PLPPR1: variants seen among roughly 807,000 people sequenced by gnomAD.
The protein encoded by PLPPR1 is phospholipid phosphatase related 1.
Under a neutral mutation model 33.1 loss-of-function variants are expected in PLPPR1, and 10 were observed. The observed-to-expected ratio is 0.30, with a 90% CI of 0.19 to 0.51. The LOEUF (loss-of-function observed/expected upper bound fraction) is 0.51. Among genes scored for constraint, PLPPR1 ranks in the 20% least tolerant of loss-of-function variants. The pLI, the probability that PLPPR1 is intolerant of heterozygous loss-of-function variation, is 0.97. For missense variants in PLPPR1, 304 were observed against 408.1 expected, an observed-to-expected ratio of 0.74 and a Z score of 2.20; for synonymous variants, 151 against 151.0, an observed-to-expected ratio of 1.00 and a Z score of 0.00.
chr9:101,073,655 C>A (rs1488860587), intron 1 of PLPPR1, among the ~76,000 whole-genome samples: 1 of 152,108 alleles, frequency 6.6e-6, no homozygotes. Context: ...TTCGTATGGG[C>A]TTTGATGATG....
At chr9:101,080,815 A>G (rs1473125126) in intron 1 of PLPPR1, among the ~76,000 whole-genome samples, 1 of 152,122 alleles carries the variant, frequency 6.6e-6, no homozygotes, top group Non-Finnish European at 1.5e-5. Context: ...CCCATTCCTG[A>G]GAATAGAGCT....
chr9:101,089,030 C>A (rs749607863), intron 1 of PLPPR1, among the ~76,000 whole-genome samples: 9 of 152,146 alleles, frequency 5.9e-5, no homozygotes, highest in Admixed American at 1.3e-4. Context: ...CAGGGATTAC[C>A]TTTCCTGGTG....
Position 101,295,441 on chromosome 9 carries a change from G to GA in PLPPR1, c.385+9211dup, listed in dbSNP as rs761437593. 6.8e-4 allele frequency among the ~76,000 whole-genome samples: 104 copies of GA among 152,028 alleles called. No homozygotes were observed. In the South Asian group the frequency reaches 8.3e-3, roughly 12 times the overall value. On this transcript the variant is annotated intron_variant, in intron 4 of 7. Transcript: ENST00000374874. ...ACCAATGACTTTCTTCACAGAATTG[G>GA]AAAAAACTACTTTAAAGTTCATATG...
intron 2 of PLPPR1, among the ~76,000 whole-genome samples, chr9:101,208,924 C>T (rs754225553): frequency 1.3e-5 from 2 of 152,198 alleles, no homozygotes; most frequent in Non-Finnish European, 2.9e-5. Flanking sequence ...CCTTGGTTTC[C>T]TCATTCACTT....
chr9:101,210,811 A>G (rs1826676527), intron 2 of PLPPR1, among the ~76,000 whole-genome samples: 1 of 152,224 alleles, frequency 6.6e-6, no homozygotes, highest in African/African-American at 2.4e-5. Context: ...TCTGTCGCCC[A>G]GGCTGGAGTG....
rs140206818 is a variant in PLPPR1, at chr9:101,045,664, A to G, written c.-46+16562A>G. ...TGATGACAACACCTGATGTTTGAAG[A>G]GTTTTTAATATCCTTGCACTGCCTT... On this transcript the variant is annotated intron_variant, in intron 1 of 7. Coordinates refer to ENST00000374874, the MANE Select transcript of PLPPR1 (RefSeq NM_207299.2). Among the ~76,000 whole-genome samples, 565 of 152,352 alleles carry G rather than the reference A, an allele frequency of 3.7e-3. 3 individuals are homozygous for G. The highest frequency in any genetic ancestry group is 6.2e-3 in the Non-Finnish European group (425 of 68,030).
chr9:101,251,081 A>G (rs999262305), intron 2 of PLPPR1, among the ~76,000 whole-genome samples: 1 of 152,028 alleles, frequency 6.6e-6, no homozygotes, highest in Non-Finnish European at 1.5e-5. Context: ...TGCCTCCTTC[A>G]TGTCTCACTT....
At chr9:101,107,712 G>A (rs1214419086) in intron 1 of PLPPR1, among the ~76,000 whole-genome samples, 1 of 100,748 alleles carries the variant, frequency 9.9e-6, no homozygotes, top group Non-Finnish European at 1.9e-5. Flanking sequence ...GTTTACCTAA[G>A]CAAGCCTGGG....
chr9:101,078,137 GAA>G (rs1830565509), intron 1 of PLPPR1, among the ~76,000 whole-genome samples: 8 of 16,412 alleles, frequency 4.9e-4, no homozygotes, highest in Admixed American at 3.0e-3. Flanking sequence ...AGAAGAAGAA[GAA>G]GAAGAAGAAG....
chr9:101,063,446 C>T (rs1034757054), intron 1 of PLPPR1, among the ~76,000 whole-genome samples: 5 of 151,942 alleles, frequency 3.3e-5, no homozygotes, highest in African/African-American at 9.7e-5. Context: ...TGCTATTGGC[C>T]AAGATTCAGT....
chr9:101,287,056 T>C lies in PLPPR1; in HGVS notation c.385+820T>C, dbSNP rs34916370. On this transcript the variant is annotated intron_variant, in intron 4 of 7. Coordinates refer to ENST00000374874, the MANE Select transcript of PLPPR1 (RefSeq NM_207299.2). The stretch of plus-strand genomic sequence containing the variant: ...GTAATCCTTAATCTTTTTTTCCTGT[T>C]GTAGGAAATGATTGAATTTCTTCAA... Among the ~76,000 whole-genome samples the C allele has an allele frequency of 9.6e-3, 1,456 of 152,326 alleles. 20 individuals carry two copies. Among genetic ancestry groups the C allele is most frequent in the Non-Finnish European group, 0.012 (807 of 68,028 alleles).
chr9:101,121,990 T>C (rs1354911781), intron 1 of PLPPR1, among the ~76,000 whole-genome samples: 6 of 152,186 alleles, frequency 3.9e-5, no homozygotes, highest in Admixed American at 2.6e-4. Flanking sequence ...CCAAGGAACA[T>C]GGAGGTAGCA....
At chr9:101,114,903 T>A (rs1050787655) in intron 1 of PLPPR1, among the ~76,000 whole-genome samples, 4 of 152,212 alleles carry the variant, frequency 2.6e-5, no homozygotes, top group African/African-American at 9.7e-5. Context: ...GACAATTTGT[T>A]AATGGTCTGG....
chr9:101,120,945 G>A (rs1269332729), intron 1 of PLPPR1, among the ~76,000 whole-genome samples: 1 of 152,170 alleles, frequency 6.6e-6, no homozygotes, highest in Non-Finnish European at 1.5e-5. Context: ...AACTTAAATA[G>A]CATTTTCTAA....
At chr9:101,255,873 G>A (rs1396621300) in intron 2 of PLPPR1, among the ~76,000 whole-genome samples, 2 of 152,178 alleles carry the variant, frequency 1.3e-5, no homozygotes, top group Non-Finnish European at 2.9e-5. Context: ...AATGATTAAA[G>A]GGTCTGAACT....
intron 2 of PLPPR1, among the ~76,000 whole-genome samples, chr9:101,229,178 T>A (rs887370022): frequency 1.3e-5 from 2 of 152,152 alleles, no homozygotes; most frequent in African/African-American, 4.8e-5. Context: ...CAAGTGTAAT[T>A]GTATATTGAA....
chr9:101,226,052 C>T (rs1243644133), intron 2 of PLPPR1, among the ~76,000 whole-genome samples: 1 of 152,038 alleles, frequency 6.6e-6, no homozygotes, highest in Non-Finnish European at 1.5e-5. Context: ...TTCTACAGAA[C>T]CAAAGAGCCC....
Position 101,192,386 on chromosome 9 carries a change from G to C in PLPPR1, c.63+6829G>C, listed in dbSNP as rs117896468. 3.6e-3 allele frequency among the ~76,000 whole-genome samples: 546 copies of C among 152,284 alleles called. 11 individuals carry two copies. Among genetic ancestry groups the C allele is most frequent in the East Asian group, 0.02 (104 of 5,186 alleles). On this transcript the variant is annotated intron_variant, in intron 2 of 7. Transcript: ENST00000374874. ...TATCCTTATATAGAATGAGTGAGAAGAGAAAACAATTTGATGTCAAAAGCA... is the reference window on the plus strand; with the variant it reads ...TATCCTTATATAGAATGAGTGAGAACAGAAAACAATTTGATGTCAAAAGCA...
chr9:101,118,657 C>G (rs1831143008), intron 1 of PLPPR1, among the ~76,000 whole-genome samples: 1 of 152,184 alleles, frequency 6.6e-6, no homozygotes, highest in African/African-American at 2.4e-5. Flanking sequence ...TAAGGGGTTT[C>G]TATTTGAGCC....
Sources: allele counts gnomAD v4.1 joint callset (sites outside exome capture counted in the v4.1 genomes callset), GRCh38; gene constraint gnomAD v4.1.1; transcripts MANE v1.5; gene names NCBI Gene and HGNC (gene_info 2026-07-23, HGNC 2026-07-21).